The following ASTN2 variants were observed in gnomAD, a reference collection of about 807,000 sequenced individuals.
The protein encoded by ASTN2 is astrotactin 2, also known as astrotactin-2.
In ASTN2, 54 loss-of-function variants were observed where a neutral mutation model predicts 139.8. That is an observed-to-expected ratio of 0.39 (90% CI 0.31 to 0.48). The LOEUF (loss-of-function observed/expected upper bound fraction) is 0.48, where lower values mean the gene tolerates loss of function less well. Ranked by LOEUF, ASTN2 falls within the 20% of genes least tolerant of loss-of-function variation. The pLI, the probability that ASTN2 is intolerant of heterozygous loss-of-function variation, is 0.95. For missense variants in ASTN2, 1,565 were observed against 1,725.1 expected (o/e 0.91, Z 1.64); for synonymous variants, 756 against 719.5 (o/e 1.05, Z -0.81).
intron 4 of ASTN2, among the ~76,000 whole-genome samples, chr9:117,121,772 C>T (rs1230036177): frequency 1.3e-5 from 2 of 152,170 alleles, no homozygotes; most frequent in African/African-American, 4.8e-5. Flanking sequence ...CTGGGGAAGC[C>T]ACAGGAAACT....
rs1361490775 is a variant in ASTN2 at position 116,893,510 on chromosome 9, A to T, written c.1890-29777T>A. On this transcript the variant is annotated intron_variant, in intron 10 of 22. Transcript: ENST00000313400. ...CTAGCTAGGTGACTTTGCACAGGTC[A>T]CTGACTCTTCCAGCCTCAGTCCCCC... 5.3e-5 allele frequency among the ~76,000 whole-genome samples: 8 copies of T among 152,276 alleles called. No individual in the cohort carries two copies. The South Asian group carries it at 1.7e-3, about 32-fold the overall frequency.
intron 19 of ASTN2, among the ~76,000 whole-genome samples, chr9:116,605,078 C>T (rs745353817): frequency 5.3e-5 from 8 of 150,438 alleles, no homozygotes; most frequent in Non-Finnish European, 1.2e-4. Context: ...CAAGGGAAGC[C>T]GACACACATA....
At chr9:116,599,774 G>A (rs760831907) in intron 19 of ASTN2, among the ~76,000 whole-genome samples, 11 of 152,146 alleles carry the variant, frequency 7.2e-5, no homozygotes, top group African/African-American at 1.4e-4. Flanking sequence ...CATCAATAAT[G>A]TCTGAGAGGG....
intron 20 of ASTN2, among the ~76,000 whole-genome samples, chr9:116,473,435 CTT>C (rs1564301278): frequency 1.3e-5 from 2 of 152,176 alleles, no homozygotes; most frequent in Non-Finnish European, 1.5e-5. Flanking sequence ...AAAGGCATCT[CTT>C]GTTACGTCAG....
intron 3 of ASTN2, among the ~76,000 whole-genome samples, chr9:117,203,154 T>A (rs1832067): frequency 0.97 from 147,919 of 151,876 alleles, 72,058 homozygotes; most frequent in Non-Finnish European, 0.99. Flanking sequence ...TATAATTCAC[T>A]AAGTTCTTAT....
At chr9:117,057,508 C>T (rs1290565565) in intron 5 of ASTN2, among the ~76,000 whole-genome samples, 1 of 152,130 alleles carries the variant, frequency 6.6e-6, no homozygotes, top group African/African-American at 2.4e-5. Flanking sequence ...TTGTAAAATG[C>T]CCACACCTGA....
chr9:117,288,454 C>A (rs1834502789), intron 2 of ASTN2, among the ~76,000 whole-genome samples: 1 of 152,062 alleles, frequency 6.6e-6, no homozygotes, highest in Non-Finnish European at 1.5e-5. Flanking sequence ...GGTCTTCTCA[C>A]AAACCACCTT....
chr9:116,436,274 C>G (rs1847646482), intron 22 of ASTN2, among the ~76,000 whole-genome samples: 1 of 152,110 alleles, frequency 6.6e-6, no homozygotes, highest in Admixed American at 6.5e-5. Flanking sequence ...CATCTGTGAT[C>G]TAAAGATTCT....
At chr9:116,648,984 A>C (rs1857755097) in intron 17 of ASTN2, among the ~76,000 whole-genome samples, 1 of 151,968 alleles carries the variant, frequency 6.6e-6, no homozygotes, top group Non-Finnish European at 1.5e-5. Flanking sequence ...CAGTGAGCCA[A>C]GATTGCGCCA....
chr9:116,660,871 C>A (rs1170292450), intron 16 of ASTN2, among the ~76,000 whole-genome samples: 2 of 152,044 alleles, frequency 1.3e-5, no homozygotes, highest in Non-Finnish European at 2.9e-5. Context: ...TCATCCAACT[C>A]CTCTAGGAAT....
intron 16 of ASTN2, among the ~76,000 whole-genome samples, chr9:116,657,351 ATTG>A (rs1276123053): frequency 1.3e-5 from 2 of 152,206 alleles, no homozygotes; most frequent in East Asian, 1.9e-4. Flanking sequence ...ATTATTTGTT[ATTG>A]TTGTTGTTGC....
chr9:117,086,313 G>T (rs893891412), intron 5 of ASTN2, among the ~76,000 whole-genome samples: 1 of 152,138 alleles, frequency 6.6e-6, no homozygotes, highest in African/African-American at 2.4e-5. Flanking sequence ...GGTGGCTCAC[G>T]CCTGTAATCC....
intron 5 of ASTN2, among the ~76,000 whole-genome samples, chr9:117,048,858 G>A (rs1298110671): frequency 1.3e-5 from 2 of 151,936 alleles, no homozygotes; most frequent in African/African-American, 2.4e-5. Flanking sequence ...ACACACAGCT[G>A]AGTGATCTTT....
intron 8 of ASTN2, 81 bp downstream of exon 8, chr9:116,976,620 G>T: frequency 1.6e-6 from 2 of 1,234,084 alleles, no homozygotes; most frequent in Non-Finnish European, 2.3e-6. Context: ...TTGTGGAGAT[G>T]CTTGGGGCCT....
chr9:116,731,079 C>T (rs1249725214), intron 14 of ASTN2, among the ~76,000 whole-genome samples: 1 of 151,950 alleles, frequency 6.6e-6, no homozygotes, highest in African/African-American at 2.4e-5. Context: ...CCCTGGGTTA[C>T]TCTATCGCTG....
At chr9:116,510,080 C>T (rs934229143) in intron 19 of ASTN2, among the ~76,000 whole-genome samples, 5 of 152,130 alleles carry the variant, frequency 3.3e-5, no homozygotes, top group Non-Finnish European at 7.3e-5. Flanking sequence ...AAGTCCTTGC[C>T]CATGCCTATG....
At chr9:117,099,552 G>A (rs1025959672) in intron 4 of ASTN2, among the ~76,000 whole-genome samples, 6 of 152,188 alleles carry the variant, frequency 3.9e-5, no homozygotes, top group Non-Finnish European at 5.9e-5. Context: ...CTTGCATAGT[G>A]CAGTATCTCT....
At chr9:116,959,048 C>T (rs954675884) in intron 10 of ASTN2, among the ~76,000 whole-genome samples, 5 of 152,040 alleles carry the variant, frequency 3.3e-5, no homozygotes, top group Non-Finnish European at 5.9e-5. Context: ...AAATGACAAC[C>T]GACTACGGCA....
chr9:116,666,583 T>A (rs1314207932), intron 16 of ASTN2, among the ~76,000 whole-genome samples: 3 of 152,224 alleles, frequency 2.0e-5, no homozygotes, highest in Non-Finnish European at 4.4e-5. Flanking sequence ...TACTGTATCA[T>A]ACTTTTAAAA....
Sources: gnomAD v4.1 joint callset for allele counts (sites outside exome capture counted in the v4.1 genomes callset) on GRCh38, gnomAD v4.1.1 for gene constraint, MANE v1.5 for transcripts, NCBI Gene and HGNC (gene_info 2026-07-23, HGNC 2026-07-21) for gene names.